ZNF404: variants seen among roughly 807,000 people sequenced by gnomAD.
ZNF404 encodes zinc finger protein 404.
A neutral mutation model predicts 7.3 loss-of-function variants in ZNF404; 7 were observed. That is an observed-to-expected ratio of 0.95 (90% CI 0.54 to 1.79). ZNF404 has a LOEUF of 1.79. ZNF404 is among the 40% of genes most tolerant of loss of function. ZNF404 has a pLI of 0.00. For missense variants in ZNF404, 560 were observed against 661.5 expected, an observed-to-expected ratio of 0.85 and a Z score of 1.68; for synonymous variants, 191 against 209.9, an observed-to-expected ratio of 0.91 and a Z score of 0.78.
At position 43,873,416 on chromosome 19, in the gene ZNF404, A is replaced by G. The variant is rs187541148; in HGVS notation, c.798T>C (p.His266=). Residue 266 remains histidine (H), a synonymous_variant, in exon 3 of 3, where the codon CAT becomes CAC. Coordinates refer to ENST00000587539, the MANE Select transcript of ZNF404 (RefSeq NM_001033719.3). ...RHMCLHQKIH[H]GVKPYKCKEC... is the part of the protein sequence containing the mutation. ...CTTTACATTTGTAGGGTTTCACACC[A>G]TGATGAATTTTCTGATGCAGACACA... The G allele has an allele frequency of 2.3e-3, 3,656 of 1,613,590 alleles. 13 individuals carry two copies. Among genetic ancestry groups the G allele is most frequent in the Non-Finnish European group, 2.5e-3 (2,964 of 1,179,692 alleles).
chr19:43,874,852 A>G (rs1971841210), intron 2 of ZNF404, among the ~76,000 whole-genome samples: 1 of 152,118 alleles, frequency 6.6e-6, no homozygotes, highest in African/African-American at 2.4e-5. Flanking sequence ...ATCTTCTTTC[A>G]ACTCCCATTG....
Position 43,872,545 on chromosome 19 carries a change from T to G in ZNF404, c.*10A>C. ...TAAAAATGTGCCATGGCTAAAGGCT[T>G]TCCCTCTCATTACATTAAGAGTCTC... On this transcript the variant is annotated 3_prime_UTR_variant, in exon 3 of 3. Transcript: ENST00000587539. The surrounding 1 kb of genome is among the most constrained non-coding windows in gnomAD (Gnocchi z 4.4). 6.4e-7 allele frequency: 1 copy of G among 1,571,596 alleles called. No individual in the cohort carries two copies. Among genetic ancestry groups the G allele is most frequent in the South Asian group, 1.2e-5 (1 of 83,634 alleles).
chr19:43,874,884 G>C (rs1971841413), intron 2 of ZNF404, among the ~76,000 whole-genome samples: 1 of 152,018 alleles, frequency 6.6e-6, no homozygotes, highest in Non-Finnish European at 1.5e-5. Context: ...CCTACCATTG[G>C]TAAGTATTAC....
In ZNF404 at chr19:43,872,519, G is replaced by A. The variant is rs1011920565; in HGVS notation, c.*36C>T. On this transcript the variant is annotated 3_prime_UTR_variant, in exon 3 of 3. Transcript: ENST00000587539. This position sits in a 1 kb window ranked among gnomAD's most constrained non-coding sequence, Gnocchi z 4.4. ...CTATAGCATCATAATAGTGACAACA[G>A]TAAAAATGTGCCATGGCTAAAGGCT... is the stretch of plus-strand genomic sequence containing the variant. The A allele has an allele frequency of 2.7e-6, 4 of 1,490,828 alleles. No homozygotes were observed. 92.3% of individuals were successfully genotyped at this position (1,490,828 alleles called of 1,614,324 possible).
chr19:43,873,503 A>T lies in ZNF404; in HGVS notation c.711T>A (p.His237Gln). ...TACATTCAAAGGGTTTCAAGCCAAC[A>T]TGAATTTTCTGATGTTCTGTAAGGT... ...HSHLTEHQKI[H>Q]VGLKPFECKE... The change falls in exon 3 of 3, where the codon CAT (histidine) becomes CAA (glutamine). Residue 237 changes from histidine (H) to glutamine (Q), a missense_variant. Coordinates refer to ENST00000587539, the MANE Select transcript of ZNF404 (RefSeq NM_001033719.3). 1 of 1,613,512 alleles carries T rather than the reference A, an allele frequency of 6.2e-7. No individual in the cohort carries two copies. The highest frequency in any genetic ancestry group is 8.5e-7 in the Non-Finnish European group (1 of 1,179,546).
At position 43,873,369 on chromosome 19, in the gene ZNF404, T is replaced by C. The variant is rs761743498; in HGVS notation, c.845A>G (p.His282Arg). 6.2e-7 allele frequency: 1 copy of C among 1,613,174 alleles called. No homozygotes were observed. Among genetic ancestry groups the C allele is most frequent in the East Asian group, 2.2e-5 (1 of 44,860 alleles). The change falls in exon 3 of 3, where the codon CAT becomes CGT. Residue 282 changes from histidine to arginine, a missense_variant. By Grantham distance (29) the His-to-Arg change is conservative (BLOSUM62 0). Transcript: ENST00000587539. ...CTTATGTTGGTAAAGACTTGAACGA[T>C]GACCAAAAGCCTTTCCACATTCTTT... is the stretch of plus-strand genomic sequence containing the variant. The part of the protein sequence containing the change: ...KCKECGKAFG[H>R]RSSLYQHKKI...
chr19:43,875,482 C>T (rs552817423), intron 2 of ZNF404, among the ~76,000 whole-genome samples: 5 of 151,906 alleles, frequency 3.3e-5, no homozygotes, highest in Admixed American at 6.6e-5. Flanking sequence ...AGGAATTGCA[C>T]GAATTAATAT....
rs1466506569 is a variant in ZNF404, at chr19:43,878,639, T to C, written c.136+1371A>G. The stretch of plus-strand genomic sequence containing the variant: ...AAAGGAAAGCACCACCATATAGGGG[T>C]AGGCAGAACAATACCTGAAAGTCAC... On this transcript the variant is annotated intron_variant, in intron 2 of 2. Coordinates refer to ENST00000587539, the MANE Select transcript of ZNF404 (RefSeq NM_001033719.3). Among the ~76,000 whole-genome samples the C allele has an allele frequency of 3.3e-5, 5 of 152,178 alleles. No individual in the cohort carries two copies. The East Asian group carries it at 5.8e-4, about 18-fold the overall frequency.
chr19:43,879,749 A>G lies in ZNF404; in HGVS notation c.136+261T>C, dbSNP rs188945605. Reference sequence around the variant, plus strand: ...GAAAAATACCAGAATTCAAACCTCTAGTCATTTAGAAAAAGAAGTAATTAT... The same window carrying G: ...GAAAAATACCAGAATTCAAACCTCTGGTCATTTAGAAAAAGAAGTAATTAT... On this transcript the variant is annotated intron_variant, in intron 2 of 2. Transcript: ENST00000587539. 4.1e-4 allele frequency among the ~76,000 whole-genome samples: 62 copies of G among 152,318 alleles called. 1 individual carries two copies. In the East Asian group the frequency reaches 0.011, roughly 27 times the overall value.
rs988831326 is a variant in ZNF404 at position 43,872,632 on chromosome 19, A to T, written c.1582T>A (p.Cys528Ser). ...TGVKPQKCKECGKAFSHCYQL... is the reference protein window; with the variant it reads ...TGVKPQKCKESGKAFSHCYQL... ...TAGCAATGACTAAAGGCCTTACCAC[A>T]TTCTTTGCATTTCTGTGGTTTCACA... The change falls in exon 3 of 3, where the codon TGT becomes AGT. Residue 528 changes from cysteine to serine, a missense_variant. Cys to Ser is a moderately radical substitution (Grantham distance 112). Coordinates refer to ENST00000587539, the MANE Select transcript of ZNF404 (RefSeq NM_001033719.3). The surrounding 1 kb of genome is among the most constrained non-coding windows in gnomAD (Gnocchi z 4.4). The T allele has an allele frequency of 6.2e-7, 1 of 1,612,522 alleles. No individual in the cohort carries two copies. Among genetic ancestry groups the T allele is most frequent in the South Asian group, 1.1e-5 (1 of 90,880 alleles).
intron 2 of ZNF404, among the ~76,000 whole-genome samples, chr19:43,874,570 C>G (rs1463176818): frequency 6.6e-6 from 1 of 152,146 alleles, no homozygotes; most frequent in Non-Finnish European, 1.5e-5. Flanking sequence ...TATCTGCTCC[C>G]TATATTGTAC....
chr19:43,875,293 A>AT (rs199666369), intron 2 of ZNF404, among the ~76,000 whole-genome samples: 27 of 150,838 alleles, frequency 1.8e-4, no homozygotes, highest in Admixed American at 2.6e-4. Context: ...GTTTTAAATA[A>AT]TTTTTTTTTT....
chr19:43,872,664 T>G lies in ZNF404; in HGVS notation c.1550A>C (p.His517Pro). 1 of 1,613,324 alleles carries G rather than the reference T, an allele frequency of 6.2e-7. No homozygotes were observed. Among genetic ancestry groups the G allele is most frequent in the Non-Finnish European group, 8.5e-7 (1 of 1,179,584 alleles). ...GCATTTCTGTGGTTTCACACCAGTA[T>G]GAATTGTCTCATGTTGAGTAAGTCG... ...SDRLTQHETI[H>P]TGVKPQKCKE... The change falls in exon 3 of 3, where the codon CAT (histidine) becomes CCT (proline). Residue 517 changes from histidine (H) to proline (P), a missense_variant. By Grantham distance (77) the His-to-Pro change is moderately conservative (BLOSUM62 -2). Transcript: ENST00000587539. This position sits in a 1 kb window ranked among gnomAD's most constrained non-coding sequence, Gnocchi z 4.4.
Position 43,872,709 on chromosome 19 carries a change from T to G in ZNF404, c.1505A>C (p.Lys502Thr). Residue 502 changes from lysine to threonine, a missense_variant, in exon 3 of 3, where the codon AAG becomes ACG. Transcript: ENST00000587539. The surrounding 1 kb of genome is among the most constrained non-coding windows in gnomAD (Gnocchi z 4.4). ...EKPYECKECD[K>T]AFNRSDRLTQ... ...AAGTCGATCACTGCGATTAAAGGCC[T>G]TATCACATTCTTTACATTCATAGGG... The G allele has an allele frequency of 6.2e-7, 1 of 1,613,516 alleles. No homozygotes were observed.
chr19:43,872,485 T>A lies in ZNF404; in HGVS notation c.*70A>T. 7.9e-7 allele frequency: 1 copy of A among 1,271,002 alleles called. No individual in the cohort carries two copies. The highest frequency in any genetic ancestry group is 1.1e-6 in the Non-Finnish European group (1 of 940,748). The allele number at this position is 1,271,002 out of a possible 1,614,324, so 78.7% of individuals were successfully genotyped here. A position where few individuals can be genotyped will look rare whatever the true frequency, so the allele number is the denominator to read the frequency against. On this transcript the variant is annotated 3_prime_UTR_variant, in exon 3 of 3. Transcript: ENST00000587539. This position sits in a 1 kb window ranked among gnomAD's most constrained non-coding sequence, Gnocchi z 4.4. ...TATTTATATTCTATATTAACTAGTT[T>A]AATCTTCACTATAGCATCATAATAG...
chr19:43,883,383 T>C (rs182672593), intron 1 of ZNF404, among the ~76,000 whole-genome samples: 53 of 152,242 alleles, frequency 3.5e-4, no homozygotes, highest in African/African-American at 1.1e-3. Flanking sequence ...CTCAGGACTG[T>C]CAATTTCTCT....
In ZNF404 at chr19:43,872,693, A is replaced by G; in HGVS notation, c.1521T>C (p.Ser507=). The G allele has an allele frequency of 6.2e-7, 1 of 1,613,452 alleles. No homozygotes were observed. Among genetic ancestry groups the G allele is most frequent in the Non-Finnish European group, 8.5e-7 (1 of 1,179,676 alleles). The stretch of plus-strand genomic sequence containing the variant: ...TTGTCTCATGTTGAGTAAGTCGATC[A>G]CTGCGATTAAAGGCCTTATCACATT... The part of the protein sequence containing the change: ...CKECDKAFNR[S]DRLTQHETIH... The change falls in exon 3 of 3, where the codon AGT becomes AGC. Residue 507 remains serine, a synonymous_variant. Coordinates refer to ENST00000587539, the MANE Select transcript of ZNF404 (RefSeq NM_001033719.3). The surrounding 1 kb of genome is among the most constrained non-coding windows in gnomAD (Gnocchi z 4.4).
At position 43,880,116 on chromosome 19, in the gene ZNF404, A is replaced by C. The variant is rs2146621176; in HGVS notation, c.30T>G (p.Asp10Glu). 6.2e-7 allele frequency: 1 copy of C among 1,612,706 alleles called. No individual in the cohort carries two copies. Residue 10 changes from aspartate (D) to glutamate (E), a missense_variant, in exon 2 of 3, where the codon GAT (aspartate) becomes GAG (glutamate). Physicochemically the swap from Asp to Glu is conservative, Grantham distance 45 (BLOSUM62 2). Transcript: ENST00000587539. Reference protein sequence around the residue: MARVPLTFSDVAIDFSQEEW... With the variant: MARVPLTFSEVAIDFSQEEW... ...CCTCCTGAGAGAAGTCTATGGCAACATCGCTGAATGTCAATGGCACCTGAA... is the reference window on the plus strand; with the variant it reads ...CCTCCTGAGAGAAGTCTATGGCAACCTCGCTGAATGTCAATGGCACCTGAA...
chr19:43,882,209 T>G (rs1971901392), intron 1 of ZNF404, among the ~76,000 whole-genome samples: 2 of 152,166 alleles, frequency 1.3e-5, no homozygotes, highest in Non-Finnish European at 2.9e-5. Context: ...TACACGTATC[T>G]AGACAACTGG....
Sources: gnomAD v4.1 joint callset for allele counts (sites outside exome capture counted in the v4.1 genomes callset) on GRCh38, gnomAD v4.1.1 for gene constraint, Gnocchi (gnomAD v3.1) non-coding constraint, MANE v1.5 for transcripts, NCBI Gene and HGNC (gene_info 2026-07-23, HGNC 2026-07-21) for gene names.